The following FSHR variants were observed in gnomAD, a reference collection of about 807,000 sequenced individuals.
The protein encoded by FSHR is follicle-stimulating hormone receptor.
A neutral mutation model predicts 52.1 loss-of-function variants in FSHR; 46 were observed. That is an observed-to-expected ratio of 0.88 (90% CI 0.70 to 1.13). FSHR has a LOEUF of 1.13. FSHR is among the 50% of genes most tolerant of loss of function. The pLI, the probability that FSHR is intolerant of heterozygous loss-of-function variation, is 0.00. For missense variants in FSHR, 964 were observed against 834.6 expected, an observed-to-expected ratio of 1.16 and a Z score of -1.91; for synonymous variants, 399 against 309.6, an observed-to-expected ratio of 1.29 and a Z score of -3.03.
rs548323105 is a variant in FSHR at position 49,118,953 on chromosome 2, ACTGT to A, written c.152+35309_152+35312del. 1.9e-3 allele frequency among the ~76,000 whole-genome samples: 285 copies of A among 152,306 alleles called. 1 individual carries two copies. The highest frequency in any genetic ancestry group is 0.014 in the Middle Eastern group (4 of 294). ...ACTATGTACTTTTTGCTTTGCAATA[ACTGT>A]CTGTACTTTCACTATTTTCCCACTT... On this transcript the variant is annotated intron_variant, in intron 1 of 9. Transcript: ENST00000406846.
At chr2:49,138,702 A>T (rs752653690) in intron 1 of FSHR, among the ~76,000 whole-genome samples, 1 of 152,194 alleles carries the variant, frequency 6.6e-6, no homozygotes, top group Non-Finnish European at 1.5e-5. Context: ...TGAATGGAGG[A>T]TGATAGCTAA....
chr2:48,982,954 A>G lies in FSHR; in HGVS notation c.626T>C (p.Leu209Ser). The change falls in exon 8 of 10, where the codon TTG (leucine) becomes TCG (serine). Residue 209 changes from leucine (L) to serine (S), a missense_variant. By Grantham distance (145) the Leu-to-Ser change is moderately radical (BLOSUM62 -2). Coordinates refer to ENST00000406846, the MANE Select transcript of FSHR (RefSeq NM_000145.4). ...GGCTCCGTGGAAAACATCATTAGGC[A>G]ATTCTTCTAAATTATTATTATCGCT... ...NLSDNNNLEELPNDVFHGASG... is the reference protein window; with the variant it reads ...NLSDNNNLEESPNDVFHGASG... The G allele has an allele frequency of 1.2e-6, 2 of 1,614,150 alleles. No individual in the cohort carries two copies. The highest frequency in any genetic ancestry group is 1.7e-6 in the Non-Finnish European group (2 of 1,179,998).
At chr2:49,124,817 A>G (rs996072676) in intron 1 of FSHR, among the ~76,000 whole-genome samples, 1 of 152,210 alleles carries the variant, frequency 6.6e-6, no homozygotes, top group East Asian at 1.9e-4. Flanking sequence ...TTAAAGCTTT[A>G]ATCAGATCAC....
chr2:49,023,439 G>T (rs932677501), intron 2 of FSHR, among the ~76,000 whole-genome samples: 3 of 152,180 alleles, frequency 2.0e-5, no homozygotes, highest in African/African-American at 7.2e-5. Context: ...GATGAAGTTT[G>T]TGGCATTCTT....
intron 4 of FSHR, among the ~76,000 whole-genome samples, chr2:49,007,766 A>C (rs1667121651): frequency 6.6e-6 from 1 of 152,176 alleles, no homozygotes; most frequent in Admixed American, 6.5e-5. Flanking sequence ...CATGATCATC[A>C]TCAAATCAGA....
chr2:49,151,191 T>G (rs1464436105), intron 1 of FSHR, among the ~76,000 whole-genome samples: 1 of 151,058 alleles, frequency 6.6e-6, no homozygotes, highest in African/African-American at 2.4e-5. Flanking sequence ...TCAGATGATG[T>G]TCATTTCACA....
intron 1 of FSHR, among the ~76,000 whole-genome samples, chr2:49,131,012 A>C (rs1246843686): frequency 6.6e-6 from 1 of 152,224 alleles, no homozygotes; most frequent in Non-Finnish European, 1.5e-5. Flanking sequence ...AGTGTTACTT[A>C]TACCATAATG....
intron 6 of FSHR, among the ~76,000 whole-genome samples, chr2:48,983,960 G>T (rs763944460): frequency 5.3e-5 from 8 of 152,202 alleles, no homozygotes; most frequent in Non-Finnish European, 7.4e-5. Flanking sequence ...CTCCTGAGTG[G>T]ATCTGAAAAC....
chr2:48,978,780 C>A (rs1262926438), intron 8 of FSHR, among the ~76,000 whole-genome samples: 1 of 152,198 alleles, frequency 6.6e-6, no homozygotes, highest in East Asian at 1.9e-4. Flanking sequence ...CTGCATCTAT[C>A]TTTCTTTGTG....
intron 1 of FSHR, among the ~76,000 whole-genome samples, chr2:49,131,439 T>C (rs1284315428): frequency 2.6e-5 from 4 of 152,262 alleles, no homozygotes; most frequent in South Asian, 2.1e-4. Context: ...TAAAAACAAA[T>C]AAATAAATAA....
intron 1 of FSHR, among the ~76,000 whole-genome samples, chr2:49,135,446 A>G (rs1229157761): frequency 1.3e-5 from 2 of 152,180 alleles, no homozygotes; most frequent in African/African-American, 2.4e-5. Context: ...TACTAAACTT[A>G]TGGAATCCAG....
intron 3 of FSHR, among the ~76,000 whole-genome samples, chr2:49,018,443 G>T (rs920205730): frequency 1.3e-5 from 2 of 152,294 alleles, no homozygotes; most frequent in African/African-American, 4.8e-5. Flanking sequence ...CCAGATCTAA[G>T]TACCAGGCAA....
intron 2 of FSHR, among the ~76,000 whole-genome samples, chr2:49,021,863 CTATATATATATA>C (rs1224896244): frequency 2.0e-5 from 1 of 49,860 alleles, no homozygotes; most frequent in Non-Finnish European, 3.7e-5. Flanking sequence ...CTCTCTCTCT[CTATATATATATA>C]TATATATATA....
intron 1 of FSHR, among the ~76,000 whole-genome samples, chr2:49,098,066 G>A (rs921292705): frequency 1.3e-5 from 2 of 152,004 alleles, no homozygotes; most frequent in Admixed American, 6.6e-5. Context: ...GTAGGGTTAC[G>A]AAATAAAATA....
chr2:49,067,537 C>T (rs936869191), intron 2 of FSHR, among the ~76,000 whole-genome samples: 1 of 152,004 alleles, frequency 6.6e-6, no homozygotes, highest in Non-Finnish European at 1.5e-5. Flanking sequence ...TTTCCCTGGC[C>T]CTGAATGCCC....
chr2:48,985,620 G>A (rs1675466834), intron 6 of FSHR, among the ~76,000 whole-genome samples: 1 of 147,110 alleles, frequency 6.8e-6, no homozygotes, highest in East Asian at 2.0e-4. Flanking sequence ...ATTGCTGGTT[G>A]CTTTAAAAAT....
At chr2:48,988,789 A>C (rs190960045) in intron 6 of FSHR, among the ~76,000 whole-genome samples, 188 bp downstream of exon 6, 1 of 152,388 alleles carries the variant, frequency 6.6e-6, no homozygotes, top group East Asian at 1.9e-4. Flanking sequence ...AGAATCATAA[A>C]TTATTAACAT....
chr2:49,151,337 C>G (rs1558469841), intron 1 of FSHR, among the ~76,000 whole-genome samples: 3 of 151,956 alleles, frequency 2.0e-5, no homozygotes, highest in Non-Finnish European at 4.4e-5. Flanking sequence ...AGCAATAATT[C>G]CAAACTTGCA....
At chr2:49,081,565 C>A (rs1670170913) in intron 1 of FSHR, among the ~76,000 whole-genome samples, 1 of 152,148 alleles carries the variant, frequency 6.6e-6, no homozygotes, top group Admixed American at 6.5e-5. Context: ...TTAAAAGTAT[C>A]ATCACACCAT....
Sources: gnomAD v4.1 joint callset for allele counts (sites outside exome capture counted in the v4.1 genomes callset) on GRCh38, gnomAD v4.1.1 for gene constraint, MANE v1.5 for transcripts, NCBI Gene and HGNC (gene_info 2026-07-23, HGNC 2026-07-21) for gene names.